Variants in OSBP2 observed in about 807,000 individuals in gnomAD.
The protein encoded by OSBP2 is oxysterol binding protein 2, also known as oxysterol-binding protein 2.
OSBP2 carries 66 observed loss-of-function variants against 96.0 expected under a neutral mutation model. That is an observed-to-expected ratio of 0.69 (90% CI 0.56 to 0.84). OSBP2 has a LOEUF of 0.84. Ranked by LOEUF, OSBP2 falls within the 40% of genes least tolerant of loss-of-function variation. The probability of loss-of-function intolerance (pLI) is 0.00; values close to 1 mark genes in which losing one functional copy is unlikely to be tolerated. For missense variants in OSBP2, 1,038 were observed against 1,222.7 expected (o/e 0.85, Z 2.25); for synonymous variants, 525 against 520.9 (o/e 1.01, Z -0.11).
chr22:30,795,520 T>C (rs2090745859), intron 2 of OSBP2, among the ~76,000 whole-genome samples: 1 of 65,628 alleles, frequency 1.5e-5, no homozygotes, highest in African/African-American at 5.7e-5. Flanking sequence ...TCCAATGCAT[T>C]TTTTTTTTTT....
At chr22:30,742,926 CA>C (rs1218860524) in intron 2 of OSBP2, among the ~76,000 whole-genome samples, 1 of 152,222 alleles carries the variant, frequency 6.6e-6, no homozygotes, top group Non-Finnish European at 1.5e-5. Flanking sequence ...CTGCCTTCCA[CA>C]GGGGTTGTGC....
intron 12 of OSBP2, among the ~76,000 whole-genome samples, chr22:30,896,647 A>AT (rs60421891): frequency 0.51 from 73,405 of 143,986 alleles, 18,701 homozygotes; most frequent in East Asian, 0.72. Flanking sequence ...GGCAAACTGG[A>AT]TTTTTTTTTT....
At chr22:30,763,165 G>A (rs553306335) in intron 2 of OSBP2, among the ~76,000 whole-genome samples, 2 of 152,274 alleles carry the variant, frequency 1.3e-5, no homozygotes, top group South Asian at 2.1e-4. Flanking sequence ...CTTGGCACAC[G>A]GCTTGGCAAA....
chr22:30,730,768 CTCTCTCTA>C (rs2089751564), intron 1 of OSBP2, among the ~76,000 whole-genome samples: 3 of 32,564 alleles, frequency 9.2e-5, no homozygotes, highest in African/African-American at 1.2e-4. Context: ...CTCTCTCTCT[CTCTCTCTA>C]TATATATATA....
intron 2 of OSBP2, among the ~76,000 whole-genome samples, chr22:30,807,529 G>A (rs1316666493): frequency 6.6e-6 from 1 of 152,196 alleles, no homozygotes; most frequent in Non-Finnish European, 1.5e-5. Context: ...CCAGGATGAA[G>A]GCAGATGCCA....
intron 2 of OSBP2, among the ~76,000 whole-genome samples, chr22:30,856,596 A>G (rs566075293): frequency 6.6e-6 from 1 of 151,866 alleles, no homozygotes; most frequent in Non-Finnish European, 1.5e-5. Context: ...CACGTTGGTC[A>G]GGCTGGTCTC....
chr22:30,813,054 A>G lies in OSBP2; in HGVS notation c.854-57375A>G, dbSNP rs539346348. Among the ~76,000 whole-genome samples, 12 of 149,746 alleles carry G rather than the reference A, an allele frequency of 8.0e-5. 1 individual carries two copies. The South Asian group carries it at 2.5e-3, about 32-fold the overall frequency. Reference sequence around the variant, plus strand: ...TTTTTTCATTGTTGCTTATCTTTTCACTGTTTTTGTGGTGCTGTGGAATTT... The same window carrying G: ...TTTTTTCATTGTTGCTTATCTTTTCGCTGTTTTTGTGGTGCTGTGGAATTT... On this transcript the variant is annotated intron_variant, in intron 2 of 13. Transcript: ENST00000332585.
At chr22:30,809,450 G>C (rs1051964986) in intron 2 of OSBP2, among the ~76,000 whole-genome samples, 20 of 152,188 alleles carry the variant, frequency 1.3e-4, no homozygotes, top group Admixed American at 1.2e-3. Flanking sequence ...AAGTCTCCTT[G>C]GGGGAGGGAA....
At chr22:30,810,669 A>G (rs949943643) in intron 2 of OSBP2, among the ~76,000 whole-genome samples, 46 of 152,210 alleles carry the variant, frequency 3.0e-4, no homozygotes, top group African/African-American at 1.1e-3. Context: ...AGCTGTGTCC[A>G]TTCTTTGCAG....
At chr22:30,884,923 G>A (rs1161703446) in intron 3 of OSBP2, among the ~76,000 whole-genome samples, 1 of 152,240 alleles carries the variant, frequency 6.6e-6, no homozygotes, top group African/African-American at 2.4e-5. Flanking sequence ...AGGCATCTGA[G>A]CGGTTCTGAC....
At chr22:30,887,806 T>G (rs1448642426) in intron 4 of OSBP2, among the ~76,000 whole-genome samples, 188 bp downstream of exon 4, 1 of 152,268 alleles carries the variant, frequency 6.6e-6, no homozygotes. Flanking sequence ...ACAGTTTGTC[T>G]GCACCTAGGT....
chr22:30,750,447 A>G (rs1327848807), intron 2 of OSBP2, among the ~76,000 whole-genome samples: 1 of 152,180 alleles, frequency 6.6e-6, no homozygotes, highest in Non-Finnish European at 1.5e-5. Flanking sequence ...TAAACAAAAA[A>G]TTAAAATTCA....
chr22:30,742,065 C>T lies in OSBP2; in HGVS notation c.853+696C>T, dbSNP rs189202015. Among the ~76,000 whole-genome samples the T allele has an allele frequency of 6.2e-3, 946 of 152,046 alleles. 10 individuals carry two copies. Among genetic ancestry groups the T allele is most frequent in the African/African-American group, 0.022 (908 of 41,508 alleles). On this transcript the variant is annotated intron_variant, in intron 2 of 13. Transcript: ENST00000332585. ...AAACTCCTGACCTCACGTGATCCGC[C>T]CACTTCAGCCTCCCAAAGTACTGGG...
chr22:30,823,610 G>A (rs1402757494), intron 2 of OSBP2, among the ~76,000 whole-genome samples: 4 of 152,200 alleles, frequency 2.6e-5, no homozygotes, highest in Non-Finnish European at 4.4e-5. Context: ...TAAGACCTTG[G>A]TCCATTCCAG....
At chr22:30,747,796 T>C (rs932267605) in intron 2 of OSBP2, among the ~76,000 whole-genome samples, 8 of 152,246 alleles carry the variant, frequency 5.3e-5, no homozygotes, top group African/African-American at 1.9e-4. Context: ...CACCTCGAAG[T>C]ACTTTAAGCT....
intron 1 of OSBP2, among the ~76,000 whole-genome samples, chr22:30,697,123 T>C (rs539646923): frequency 1.1e-4 from 17 of 152,320 alleles, no homozygotes; most frequent in African/African-American, 3.8e-4. Flanking sequence ...TCAGCATGTC[T>C]GTGTTACCTG....
At chr22:30,733,609 A>G (rs1261902215) in intron 1 of OSBP2, among the ~76,000 whole-genome samples, 2 of 152,154 alleles carry the variant, frequency 1.3e-5, no homozygotes, top group South Asian at 2.1e-4. Context: ...GCTTAAATGG[A>G]GGAGAGAGAG....
At chr22:30,792,657 A>G (rs2090692876) in intron 2 of OSBP2, among the ~76,000 whole-genome samples, 2 of 152,224 alleles carry the variant, frequency 1.3e-5, no homozygotes, top group African/African-American at 2.4e-5. Context: ...TCGGCCAATT[A>G]TCATTGGTTG....
Position 30,796,748 on chromosome 22 carries a change from T to C in OSBP2, c.853+55379T>C, listed in dbSNP as rs1002896490. On this transcript the variant is annotated intron_variant, in intron 2 of 13. Transcript: ENST00000332585. ...GTCTCGAACTCCTGACCTCAAGTGA[T>C]CCACCCACCTTAGCCTCCCAAAGTG... is the stretch of plus-strand genomic sequence containing the variant. Among the ~76,000 whole-genome samples, 8 of 152,294 alleles carry C rather than the reference T, an allele frequency of 5.3e-5. No individual in the cohort carries two copies. The East Asian group carries it at 1.3e-3, about 26-fold the overall frequency.
Sources: allele counts gnomAD v4.1 joint callset (sites outside exome capture counted in the v4.1 genomes callset), GRCh38; gene constraint gnomAD v4.1.1; transcripts MANE v1.5; gene names NCBI Gene and HGNC (gene_info 2026-07-23, HGNC 2026-07-21).